Variants in NTRK2 observed in about 807,000 individuals in gnomAD.
The protein encoded by NTRK2 is BDNF/NT-3 growth factors receptor.
Under a neutral mutation model 94.5 loss-of-function variants are expected in NTRK2, and 13 were observed. That is an observed-to-expected ratio of 0.14 (90% CI 0.09 to 0.22). The LOEUF is 0.22. Among genes scored for constraint, NTRK2 ranks in the 10% least tolerant of loss-of-function variants. The probability of loss-of-function intolerance (pLI) is 1.00; values close to 1 mark genes in which losing one functional copy is unlikely to be tolerated. For synonymous variants in NTRK2, 372 were observed against 407.4 expected, an observed-to-expected ratio of 0.91 and a Z score of 1.05; for missense variants, 639 against 1,071.2, an observed-to-expected ratio of 0.60 and a Z score of 5.63.
intron 12 of NTRK2, among the ~76,000 whole-genome samples, chr9:84,834,158 G>C (rs12056959): frequency 0.16 from 24,580 of 152,082 alleles, 2,890 homozygotes; most frequent in African/African-American, 0.34. Flanking sequence ...TATCAATAAG[G>C]TTGCCAGATT....
Position 84,723,445 on chromosome 9 carries a change from G to T in NTRK2, c.584-128G>T, listed in dbSNP as rs146476789. 5.5e-4 allele frequency: 596 copies of T among 1,073,878 alleles called. 5 individuals are homozygous for T. The African/African-American group carries it at 7.9e-3, about 14-fold the overall frequency. 66.5% of individuals were successfully genotyped at this position (1,073,878 alleles called of 1,614,324 possible). On this transcript the variant is annotated intron_variant, in intron 6 of 18. Coordinates refer to ENST00000277120, the MANE Select transcript of NTRK2 (RefSeq NM_006180.6). ...AAAGTAGCACTTTTTCAGATCAACA[G>T]AAATCAGTCTCAAAAAGCAATTAAA...
At chr9:84,921,646 T>C (rs1362722758) in intron 14 of NTRK2, among the ~76,000 whole-genome samples, 2 of 152,134 alleles carry the variant, frequency 1.3e-5, no homozygotes, top group Admixed American at 1.3e-4. Context: ...TTCAGGAAAG[T>C]AGTGTCAGGA....
chr9:84,872,673 T>C, intron 14 of NTRK2: 1 of 1,064,912 alleles, frequency 9.4e-7, no homozygotes, highest in African/African-American at 1.6e-5. Flanking sequence ...GAGTGTGCCA[T>C]ACTTCTCCAG....
At chr9:85,005,638 C>A (rs1490132440) in intron 17 of NTRK2, among the ~76,000 whole-genome samples, 1 of 152,156 alleles carries the variant, frequency 6.6e-6, no homozygotes, top group African/African-American at 2.4e-5. Flanking sequence ...CAATGATAAC[C>A]CTGAGTAACA....
intron 9 of NTRK2, among the ~76,000 whole-genome samples, chr9:84,739,701 T>C (rs1268748108): frequency 1.3e-5 from 2 of 152,094 alleles, no homozygotes; most frequent in East Asian, 3.9e-4. Context: ...AATAAATCAG[T>C]GGCCAACTCC....
At chr9:84,731,813 T>TTA (rs981959441) in intron 9 of NTRK2, among the ~76,000 whole-genome samples, 8 of 152,028 alleles carry the variant, frequency 5.3e-5, no homozygotes, top group Admixed American at 5.2e-4. Context: ...CAAACCAAGA[T>TTA]CCCCGTGTAA....
intron 12 of NTRK2, among the ~76,000 whole-genome samples, chr9:84,831,991 C>CAGAAA (rs2073576499): frequency 2.0e-5 from 3 of 152,234 alleles, no homozygotes; most frequent in African/African-American, 7.2e-5. Context: ...ACCCAGTTAA[C>CAGAAA]TCCAAAATAA....
intron 12 of NTRK2, among the ~76,000 whole-genome samples, chr9:84,859,725 A>C (rs2075241193): frequency 6.6e-6 from 1 of 152,236 alleles, no homozygotes; most frequent in Non-Finnish European, 1.5e-5. Flanking sequence ...AAGAAAACAA[A>C]AGATGACCAG....
chr9:84,828,497 C>T (rs529373520), intron 12 of NTRK2, among the ~76,000 whole-genome samples: 2 of 152,250 alleles, frequency 1.3e-5, no homozygotes, highest in Non-Finnish European at 2.9e-5. Flanking sequence ...GACAAACCTC[C>T]TACCTTTCAT....
At chr9:85,014,666 A>G (rs532178546) in intron 17 of NTRK2, among the ~76,000 whole-genome samples, 5 of 152,358 alleles carry the variant, frequency 3.3e-5, no homozygotes, top group East Asian at 1.9e-4. Context: ...AACCAATTAG[A>G]TGTGTCCATT....
intron 14 of NTRK2, among the ~76,000 whole-genome samples, chr9:84,879,852 C>T (rs2132195136): frequency 6.6e-6 from 1 of 152,226 alleles, no homozygotes; most frequent in Middle Eastern, 3.4e-3. Context: ...TGAGGAGTGT[C>T]CACATGGTGG....
At chr9:84,696,945 C>T (rs1414994932) in intron 2 of NTRK2, among the ~76,000 whole-genome samples, 1 of 152,018 alleles carries the variant, frequency 6.6e-6, no homozygotes, top group Admixed American at 6.6e-5. Context: ...AATATGAGGT[C>T]CTAGCAAGAG....
chr9:84,670,364 T>G lies in NTRK2; in HGVS notation c.-372-13T>G, dbSNP rs2058626627. 2.6e-6 allele frequency: 1 copy of G among 378,222 alleles called. No individual in the cohort carries two copies. The highest frequency in any genetic ancestry group is 2.1e-5 in the African/African-American group (1 of 47,854). 23.4% of individuals were successfully genotyped at this position (378,222 alleles called of 1,614,324 possible). On this transcript the variant is annotated splice_polypyrimidine_tract_variant and intron_variant, in intron 1 of 18. Coordinates refer to ENST00000277120, the MANE Select transcript of NTRK2 (RefSeq NM_006180.6). ...TCCTACGCTCAGTCTTACGCGTGTC[T>G]GTTTGTCCTCAGCCTCGAGGTGCAT...
At chr9:84,694,930 C>T (rs2060273090) in intron 2 of NTRK2, among the ~76,000 whole-genome samples, 1 of 151,670 alleles carries the variant, frequency 6.6e-6, no homozygotes, top group Admixed American at 6.6e-5. Context: ...GTAATGCCAG[C>T]ACTTCAGGAG....
intron 12 of NTRK2, among the ~76,000 whole-genome samples, chr9:84,833,427 A>C (rs367818380): frequency 6.6e-6 from 1 of 151,778 alleles, no homozygotes; most frequent in East Asian, 1.9e-4. Flanking sequence ...AGTGATTTGC[A>C]TGAGAAAAAG....
intron 17 of NTRK2, among the ~76,000 whole-genome samples, chr9:84,968,318 G>A (rs375588559): frequency 3.0e-4 from 45 of 152,260 alleles, no homozygotes; most frequent in African/African-American, 1.0e-3. Context: ...GGCAAGGGTC[G>A]CCTGGTGTAT....
intron 12 of NTRK2, chr9:84,811,014 G>A: frequency 2.7e-6 from 3 of 1,108,752 alleles, no homozygotes; most frequent in Non-Finnish European, 3.3e-6. Flanking sequence ...ACAGGTATAA[G>A]TGCACACTGA....
chr9:84,916,047 G>T (rs2077382762), intron 14 of NTRK2, among the ~76,000 whole-genome samples: 2 of 151,976 alleles, frequency 1.3e-5, no homozygotes, highest in Admixed American at 1.3e-4. Flanking sequence ...CTAAAATCTG[G>T]CATTTGAAAT....
chr9:84,680,453 GC>G (rs1210555549), intron 2 of NTRK2, among the ~76,000 whole-genome samples: 2 of 152,186 alleles, frequency 1.3e-5, no homozygotes, highest in African/African-American at 4.8e-5. Flanking sequence ...AGAGTAAGCT[GC>G]AACTTGCATC....
Sources: allele counts gnomAD v4.1 joint callset (sites outside exome capture counted in the v4.1 genomes callset), GRCh38; gene constraint gnomAD v4.1.1; transcripts MANE v1.5; gene names NCBI Gene and HGNC (gene_info 2026-07-23, HGNC 2026-07-21).